The following HDAC4 variants were observed in gnomAD, a reference collection of about 807,000 sequenced individuals.
The protein encoded by HDAC4 is histone deacetylase 4.
HDAC4 carries 16 observed loss-of-function variants against 135.1 expected under a neutral mutation model. The ratio of observed to expected loss-of-function variants is 0.12; its 90% confidence interval spans 0.08 to 0.18. The LOEUF (loss-of-function observed/expected upper bound fraction) is 0.18, where lower values mean the gene tolerates loss of function less well. HDAC4 is among the 10% of genes least tolerant of loss of function. HDAC4 has a pLI of 1.00. For missense variants in HDAC4, 1,143 were observed against 1,511.8 expected (o/e 0.76, Z 4.05); for synonymous variants, 685 against 653.4 (o/e 1.05, Z -0.74).
At chr2:239,081,663 T>G (rs1488787963) in intron 21 of HDAC4, among the ~76,000 whole-genome samples, 1 of 152,212 alleles carries the variant, frequency 6.6e-6, no homozygotes, top group Non-Finnish European at 1.5e-5. Context: ...GTGGGCAGGC[T>G]CTGAACGGGG....
chr2:239,296,477 C>T (rs2051900015), intron 2 of HDAC4, among the ~76,000 whole-genome samples: 2 of 152,208 alleles, frequency 1.3e-5, no homozygotes, highest in Admixed American at 1.3e-4. Context: ...AGTGCTGACA[C>T]TCTAATTCTA....
chr2:239,216,948 GAAGT>G (rs905199584), intron 3 of HDAC4, among the ~76,000 whole-genome samples: 3 of 152,242 alleles, frequency 2.0e-5, no homozygotes, highest in Non-Finnish European at 2.9e-5. Context: ...TGTCAGAAGA[GAAGT>G]AAGTAGCAAA....
chr2:239,301,471 CTT>C (rs764763791), intron 2 of HDAC4, among the ~76,000 whole-genome samples: 4 of 133,676 alleles, frequency 3.0e-5, no homozygotes, highest in African/African-American at 2.7e-5. Context: ...TGCTTTCTTT[CTT>C]TTTTTTTTTT....
Position 239,084,166 on chromosome 2 carries a change from T to G in HDAC4, c.2521A>C (p.Ile841Leu). ...QQRLSVSKIL[I>L]VDWDVHHGNG... is the part of the protein sequence containing the mutation. ...GCGGCTCTGCTTACCCAGTCCACGA[T>G]GAGGATCTTGCTCACGCTCAACCTC... The change falls in exon 20 of 27, where the codon ATC becomes CTC. Residue 841 changes from isoleucine (I) to leucine (L), a missense_variant. By Grantham distance (5) the Ile-to-Leu change is conservative. This residue lies in a region of HDAC4 where 189 missense variants were observed against 317.6 expected (regional missense o/e 0.60). Transcript: ENST00000543185. The G allele has an allele frequency of 6.2e-7, 1 of 1,613,092 alleles. No individual in the cohort carries two copies. Among genetic ancestry groups the G allele is most frequent in the East Asian group, 2.2e-5 (1 of 44,868 alleles).
At chr2:239,386,393 CCCAA>C (rs1695810915) in intron 1 of HDAC4, among the ~76,000 whole-genome samples, 2 of 152,094 alleles carry the variant, frequency 1.3e-5, no homozygotes, top group African/African-American at 4.8e-5. Context: ...ATGAGTGTGT[CCCAA>C]CCACGGGAGG....
At chr2:239,188,512 T>C (rs2044694882) in intron 4 of HDAC4, among the ~76,000 whole-genome samples, 5 of 152,244 alleles carry the variant, frequency 3.3e-5, no homozygotes. Flanking sequence ...GAACAACTTC[T>C]ACCCATGGAC....
At chr2:239,102,167 C>T (rs2037729106) in intron 16 of HDAC4, among the ~76,000 whole-genome samples, 1 of 152,176 alleles carries the variant, frequency 6.6e-6, no homozygotes, top group African/African-American at 2.4e-5. Context: ...AGCCCCCGGC[C>T]CCACGTCTGG....
intron 1 of HDAC4, among the ~76,000 whole-genome samples, chr2:239,385,883 T>A (rs1341158622): frequency 1.3e-5 from 2 of 152,260 alleles, no homozygotes; most frequent in East Asian, 3.9e-4. Flanking sequence ...CAAGACAGTC[T>A]CCTACAGCTC....
intron 1 of HDAC4, among the ~76,000 whole-genome samples, chr2:239,396,565 G>T (rs1050071784): frequency 6.6e-6 from 1 of 152,094 alleles, no homozygotes; most frequent in South Asian, 2.1e-4. Flanking sequence ...ATGTTCATAC[G>T]TTCTGCTCAT....
At chr2:239,274,639 G>A (rs1358243923) in intron 2 of HDAC4, among the ~76,000 whole-genome samples, 1 of 152,238 alleles carries the variant, frequency 6.6e-6, no homozygotes, top group Non-Finnish European at 1.5e-5. Flanking sequence ...GCAAGCCAGT[G>A]AAGCTGGGGG....
chr2:239,345,711 A>AAC (rs1371359905), intron 2 of HDAC4, among the ~76,000 whole-genome samples: 1 of 145,660 alleles, frequency 6.9e-6, no homozygotes, highest in African/African-American at 2.6e-5. Flanking sequence ...CACTCACCCT[A>AAC]ACACACACAC....
At position 239,331,595 on chromosome 2, in the gene HDAC4, C is replaced by T. The variant is rs1192464033; in HGVS notation, c.22+21083G>A. On this transcript the variant is annotated intron_variant, in intron 2 of 26. Coordinates refer to ENST00000543185, the MANE Select transcript of HDAC4 (RefSeq NM_001378414.1). The surrounding 1 kb of genome is among the most constrained non-coding windows in gnomAD (Gnocchi z 4.5). Reference sequence around the variant, plus strand: ...GGGGGAAGCCTTCAGGAAGCACACACGGGCCAGGTGAGCGAACTGCAATGA... The same window carrying T: ...GGGGGAAGCCTTCAGGAAGCACACATGGGCCAGGTGAGCGAACTGCAATGA... Among the ~76,000 whole-genome samples the T allele has an allele frequency of 1.3e-5, 2 of 152,148 alleles. No homozygotes were observed. Among genetic ancestry groups the T allele is most frequent in the African/African-American group, 2.4e-5 (1 of 41,426 alleles).
At chr2:239,072,240 C>T (rs149277799) in intron 22 of HDAC4, among the ~76,000 whole-genome samples, 7 of 152,300 alleles carry the variant, frequency 4.6e-5, no homozygotes, top group South Asian at 2.1e-4. Context: ...AGATATAACA[C>T]GTTAGTGCGA....
At chr2:239,367,406 T>A (rs551900434) in intron 1 of HDAC4, among the ~76,000 whole-genome samples, 16 of 152,364 alleles carry the variant, frequency 1.1e-4, no homozygotes, top group African/African-American at 3.8e-4. Flanking sequence ...CTATTTAACA[T>A]GTAATGGGTT....
chr2:239,259,071 A>C (rs905631143), intron 2 of HDAC4, among the ~76,000 whole-genome samples: 4 of 152,224 alleles, frequency 2.6e-5, no homozygotes, highest in African/African-American at 7.2e-5. Flanking sequence ...CTGATTCCTG[A>C]CTTTGACAGC....
At chr2:239,062,697 G>A (rs570833163) in intron 24 of HDAC4, among the ~76,000 whole-genome samples, 127 of 152,358 alleles carry the variant, frequency 8.3e-4, no homozygotes, top group Non-Finnish European at 1.5e-3. Context: ...ACTGTTTGAT[G>A]TGAAGAAAGG....
chr2:239,382,409 A>G (rs55641373), intron 1 of HDAC4, among the ~76,000 whole-genome samples: 58,784 of 152,140 alleles, frequency 0.39, 13,962 homozygotes, highest in East Asian at 0.83. Context: ...TATTCTACCA[A>G]TTTAGTTCCT....
rs575530516 is a variant in HDAC4 at position 239,111,468 on chromosome 2, C to T, written c.1978+58G>A. The T allele has an allele frequency of 9.2e-6, 14 of 1,514,456 alleles. No homozygotes were observed. The East Asian group carries it at 1.2e-4, about 13-fold the overall frequency. 93.8% of individuals were successfully genotyped at this position (1,514,456 alleles called of 1,614,324 possible). On this transcript the variant is annotated intron_variant, in intron 14 of 26. Transcript: ENST00000543185. ...GAGCTGGGCCGGGAAGAGCCCCCCG[C>T]GCTGTGCCCACTGTGGCCCGCGTTG...
intron 2 of HDAC4, among the ~76,000 whole-genome samples, chr2:239,250,784 G>A (rs539270707): frequency 1.4e-4 from 22 of 152,178 alleles, no homozygotes; most frequent in Non-Finnish European, 2.2e-4. Context: ...CCAGAAGCCC[G>A]CTGCCAGAGG....
Sources: allele counts gnomAD v4.1 joint callset (sites outside exome capture counted in the v4.1 genomes callset), GRCh38; gene constraint gnomAD v4.1.1; regional missense constraint gnomAD v4.1.1; non-coding constraint Gnocchi (gnomAD v3.1); transcripts MANE v1.5; gene names NCBI Gene and HGNC (gene_info 2026-07-23, HGNC 2026-07-21).